The following ABI3 variants were observed in gnomAD, a reference collection of about 807,000 sequenced individuals.
ABI3 encodes the protein ABI family member 3.
ABI3 carries 24 observed loss-of-function variants against 37.0 expected under a neutral mutation model. The observed-to-expected ratio is 0.65, with a 90% CI of 0.47 to 0.91. The LOEUF (loss-of-function observed/expected upper bound fraction) is 0.91, where lower values mean the gene tolerates loss of function less well. Ranked by LOEUF, ABI3 falls within the 40% of genes least tolerant of loss-of-function variation. The pLI, the probability that ABI3 is intolerant of heterozygous loss-of-function variation, is 0.00. For synonymous variants in ABI3, 220 were observed against 211.8 expected (o/e 1.04, Z -0.34); for missense variants, 481 against 485.1 (o/e 0.99, Z 0.08).
intron 6 of ABI3, among the ~76,000 whole-genome samples, chr17:49,221,766 A>T (rs117427061): frequency 6.6e-6 from 1 of 151,942 alleles, no homozygotes; most frequent in South Asian, 2.1e-4. Context: ...TCCAGGCTGG[A>T]TGGAGTGTGT....
At chr17:49,215,523 G>A (rs2043210428) in intron 1 of ABI3, among the ~76,000 whole-genome samples, 1 of 151,188 alleles carries the variant, frequency 6.6e-6, no homozygotes, top group Admixed American at 6.6e-5. Flanking sequence ...TTTGAGACAG[G>A]GTCTCACTCT....
chr17:49,218,579 CACCAGTAGT>C (rs1357095632), intron 3 of ABI3, among the ~76,000 whole-genome samples: 1 of 151,880 alleles, frequency 6.6e-6, no homozygotes, highest in Non-Finnish European at 1.5e-5. Flanking sequence ...GCCTCCTTCC[CACCAGTAGT>C]TCTCTGTTGT....
rs572814048 is a variant in ABI3, at chr17:49,222,185, T to G, written c.897T>G (p.Pro299=). 7.4e-6 allele frequency: 12 copies of G among 1,613,790 alleles called. 1 individual carries two copies. The African/African-American group carries it at 8.0e-5, about 11-fold the overall frequency. The change falls in exon 7 of 8, where the codon CCT becomes CCG. Residue 299 remains proline (P), a synonymous_variant. Coordinates refer to ENST00000225941, the MANE Select transcript of ABI3 (RefSeq NM_016428.3). ...CTCCACCCCCACCAGGATTTGGGCC[T>G]GATGAGCCCAGCTGGGTGCCTGCCT... The part of the protein sequence containing the change: ...GLPPPPPGFG[P]DEPSWVPASY...
chr17:49,222,401 G>C (rs1370029407), intron 7 of ABI3, 151 bp from the exon 8 acceptor site: 13 of 1,344,450 alleles, frequency 9.7e-6, no homozygotes, highest in Admixed American at 2.4e-5. Context: ...TATTAACTAA[G>C]CTGGGGAGGG....
In ABI3 at chr17:49,219,579, C is replaced by G; in HGVS notation, c.502C>G (p.Arg168Gly). The G allele has an allele frequency of 1.2e-6, 2 of 1,604,268 alleles. No individual in the cohort carries two copies. The highest frequency in any genetic ancestry group is 2.3e-5 in the East Asian group (1 of 44,348). ...GCTGTCAAGAACAGGCACCCTGTCT[C>G]GAAAGAGCATCAAGGCCCCTGCCAC... ...TQLSRTGTLS[R>G]KSIKAPATPA... The change falls in exon 4 of 8, where the codon CGA becomes GGA. Residue 168 changes from arginine (R) to glycine (G), a missense_variant. Arg to Gly is a moderately radical substitution (Grantham distance 125). Coordinates refer to ENST00000225941, the MANE Select transcript of ABI3 (RefSeq NM_016428.3). The surrounding 1 kb of genome is among the most constrained non-coding windows in gnomAD (Gnocchi z 4.3).
In ABI3 at chr17:49,214,570, C is replaced by T. The variant is rs111336880; in HGVS notation, c.118-1961C>T. 1.5e-3 allele frequency among the ~76,000 whole-genome samples: 224 copies of T among 152,228 alleles called. 2 individuals carry two copies. The highest frequency in any genetic ancestry group is 5.1e-3 in the African/African-American group (212 of 41,536). ...CTAAAAATACAAAAAATTAGCTGGG[C>T]GTGGCGGTGCATGCCTGTAATCCCA... On this transcript the variant is annotated intron_variant, in intron 1 of 7. Coordinates refer to ENST00000225941, the MANE Select transcript of ABI3 (RefSeq NM_016428.3).
At position 49,222,118 on chromosome 17, in the gene ABI3, T is replaced by C. The variant is rs531789276; in HGVS notation, c.830T>C (p.Leu277Pro). 3 of 1,612,018 alleles carry C rather than the reference T, an allele frequency of 1.9e-6. No individual in the cohort carries two copies. In the South Asian group the frequency reaches 3.3e-5, roughly 18 times the overall value. The change falls in exon 7 of 8, where the codon CTG becomes CCG. Residue 277 changes from leucine (L) to proline (P), a missense_variant. Leu to Pro is a moderately conservative substitution (Grantham distance 98). Coordinates refer to ENST00000225941, the MANE Select transcript of ABI3 (RefSeq NM_016428.3). Reference protein sequence around the residue: ...PDEELPLPLDLPPPPPLDGDE... With the variant: ...PDEELPLPLDPPPPPPLDGDE... ...GAAGAGCTGCCCCTGCCACTGGACCTGCCTCCTCCTCCACCCCTGGATGGA... is the reference window on the plus strand; with the variant it reads ...GAAGAGCTGCCCCTGCCACTGGACCCGCCTCCTCCTCCACCCCTGGATGGA...
intron 6 of ABI3, 26 bp downstream of exon 6, chr17:49,220,352 C>T (rs921794154): frequency 1.3e-6 from 2 of 1,548,134 alleles, no homozygotes; most frequent in African/African-American, 1.4e-5. Flanking sequence ...CTCTTCTTCC[C>T]AACCGTGGGG....
chr17:49,216,614 C>G lies in ABI3; in HGVS notation c.201C>G (p.Asn67Lys), dbSNP rs2043220641. 6.2e-7 allele frequency: 1 copy of G among 1,611,750 alleles called. No individual in the cohort carries two copies. Among genetic ancestry groups the G allele is most frequent in the Non-Finnish European group, 8.5e-7 (1 of 1,179,236 alleles). ...ALASVAYQVGNLAGHTLRMLD... is the reference protein window; with the variant it reads ...ALASVAYQVGKLAGHTLRMLD... ...CCAGCGTGGCCTACCAGGTGGGCAA[C>G]CTGGCCGGGCACACTCTGCGCATGT... Residue 67 changes from asparagine to lysine, a missense_variant, in exon 2 of 8, where the codon AAC (asparagine) becomes AAG (lysine). By Grantham distance (94) the Asn-to-Lys change is moderately conservative (BLOSUM62 0). Transcript: ENST00000225941.
chr17:49,211,204 G>A (rs1307623136), intron 1 of ABI3, among the ~76,000 whole-genome samples: 1 of 152,176 alleles, frequency 6.6e-6, no homozygotes, highest in East Asian at 1.9e-4. Flanking sequence ...TCTATTTCCA[G>A]GCCGGCTCTG....
At position 49,217,807 on chromosome 17, in the gene ABI3, G is replaced by T; in HGVS notation, c.354G>T (p.Leu118=). 6.2e-7 allele frequency: 1 copy of T among 1,611,038 alleles called. No individual in the cohort carries two copies. The highest frequency in any genetic ancestry group is 1.7e-4 in the Middle Eastern group (1 of 6,052). The change falls in exon 3 of 8, where the codon CTG becomes CTT. Residue 118 remains leucine, a synonymous_variant. Transcript: ENST00000225941. ...GCACCTTAGCCACTGTCCAGCGGCT[G>T]CCCCCCGGCCAGAAGGTCATCGCCC... The part of the protein sequence containing the change: ...EIGTLATVQR[L]PPGQKVIAPE...
At position 49,219,064 on chromosome 17, in the gene ABI3, G is replaced by A. The variant is rs1437213577; in HGVS notation, c.463-476G>A. Among the ~76,000 whole-genome samples, 2 of 152,094 alleles carry A rather than the reference G, an allele frequency of 1.3e-5. No individual in the cohort carries two copies. Among genetic ancestry groups the A allele is most frequent in the African/African-American group, 2.4e-5 (1 of 41,400 alleles). On this transcript the variant is annotated intron_variant, in intron 3 of 7. Coordinates refer to ENST00000225941, the MANE Select transcript of ABI3 (RefSeq NM_016428.3). The surrounding 1 kb of genome is among the most constrained non-coding windows in gnomAD (Gnocchi z 4.3). ...TGTAGGCGTGCACCCTGTCATTTGCGCATCCCCTCTAAGTGGCCTGGGTCT... is the reference window on the plus strand; with the variant it reads ...TGTAGGCGTGCACCCTGTCATTTGCACATCCCCTCTAAGTGGCCTGGGTCT...
intron 1 of ABI3, among the ~76,000 whole-genome samples, chr17:49,213,290 C>T (rs2043187396): frequency 6.6e-6 from 1 of 152,164 alleles, no homozygotes; most frequent in Non-Finnish European, 1.5e-5. Flanking sequence ...CATGAGAAGC[C>T]CTGACCCAAG....
At position 49,222,960 on chromosome 17, in the gene ABI3, G is replaced by T; in HGVS notation, c.*245G>T. 1.8e-6 allele frequency: 1 copy of T among 555,482 alleles called. No homozygotes were observed. Among genetic ancestry groups the T allele is most frequent in the Non-Finnish European group, 3.2e-6 (1 of 312,442 alleles). The allele number at this position is 555,482 out of a possible 1,614,324, so 34.4% of individuals were successfully genotyped here. A position where few individuals can be genotyped will look rare whatever the true frequency, so the allele number is the denominator to read the frequency against. On this transcript the variant is annotated 3_prime_UTR_variant, in exon 8 of 8. Transcript: ENST00000225941. The stretch of plus-strand genomic sequence containing the variant: ...TGTCAACAGAGGACCCCTACTCCAT[G>T]CAGGACAGGGTCTCCTGCTGCAAGT...
chr17:49,220,444 G>T, intron 6 of ABI3, 118 bp downstream of exon 6: 1 of 1,339,294 alleles, frequency 7.5e-7, no homozygotes, highest in South Asian at 1.4e-5. Context: ...CTCCTCCAAG[G>T]AGCGCAGCAC....
intron 6 of ABI3, among the ~76,000 whole-genome samples, chr17:49,221,782 A>G (rs2043291902): frequency 6.6e-6 from 1 of 152,040 alleles, no homozygotes; most frequent in South Asian, 2.1e-4. Flanking sequence ...TGTGTTGGCA[A>G]GATCTCAGCT....
chr17:49,222,431 A>C, intron 7 of ABI3, 121 bp from the exon 8 acceptor site: 1 of 1,401,600 alleles, frequency 7.1e-7, no homozygotes, highest in Non-Finnish European at 9.7e-7. Flanking sequence ...GCTTGCAAGA[A>C]GGCCCCCAAG....
Position 49,210,949 on chromosome 17 carries a change from C to G in ABI3, c.117+108C>G, listed in dbSNP as rs1283743739. ...CATCCTGACAGTGCTTGTCCTGGGC[C>G]TTGGCTGAGAAATCCTCCCATTCCA... On this transcript the variant is annotated intron_variant, in intron 1 of 7. Transcript: ENST00000225941. The surrounding 1 kb of genome is among the most constrained non-coding windows in gnomAD (Gnocchi z 4.2). 1 of 893,000 alleles carries G rather than the reference C, an allele frequency of 1.1e-6. No homozygotes were observed. Among genetic ancestry groups the G allele is most frequent in the Non-Finnish European group, 1.7e-6 (1 of 591,522 alleles). The allele number at this position is 893,000 out of a possible 1,614,324, so 55.3% of individuals were successfully genotyped here. A position where few individuals can be genotyped will look rare whatever the true frequency, so the allele number is the denominator to read the frequency against.
Position 49,210,838 on chromosome 17 carries a change from G to C in ABI3, c.114G>C (p.Val38=). ...CTGACTACTGCGAGGACAACTATGT[G>C]CAGGTAGGTAGAGCGGGCGGAAGCC... is the stretch of plus-strand genomic sequence containing the variant. ...RVADYCEDNY[V]QATDKRKALE... is the part of the protein sequence containing the mutation. The change falls in exon 1 of 8, where the codon GTG becomes GTC. Residue 38 remains valine, a synonymous_variant. Coordinates refer to ENST00000225941, the MANE Select transcript of ABI3 (RefSeq NM_016428.3). This position sits in a 1 kb window ranked among gnomAD's most constrained non-coding sequence, Gnocchi z 4.2. The C allele has an allele frequency of 6.4e-7, 1 of 1,551,254 alleles. No homozygotes were observed. Among genetic ancestry groups the C allele is most frequent in the Non-Finnish European group, 8.7e-7 (1 of 1,145,142 alleles).
Sources: gnomAD v4.1 joint callset for allele counts (sites outside exome capture counted in the v4.1 genomes callset) on GRCh38, gnomAD v4.1.1 for gene constraint, Gnocchi (gnomAD v3.1) non-coding constraint, MANE v1.5 for transcripts, NCBI Gene and HGNC (gene_info 2026-07-23, HGNC 2026-07-21) for gene names.